The following CDH19 variants were observed in gnomAD, a reference collection of about 807,000 sequenced individuals.
The protein encoded by CDH19 is cadherin-19.
In CDH19, 67 loss-of-function variants were observed where a neutral mutation model predicts 64.2. The observed-to-expected ratio is 1.04, with a 90% CI of 0.86 to 1.28. The LOEUF is 1.28. CDH19 is among the 50% of genes most tolerant of loss of function. The probability of loss-of-function intolerance (pLI) is 0.00; values close to 1 mark genes in which losing one functional copy is unlikely to be tolerated. For synonymous variants in CDH19, 346 were observed against 319.3 expected, an observed-to-expected ratio of 1.08 and a Z score of -0.89; for missense variants, 1,030 against 929.0, an observed-to-expected ratio of 1.11 and a Z score of -1.41.
At chr18:66,520,502 G>C (rs1027975340) in intron 9 of CDH19, among the ~76,000 whole-genome samples, 1 of 150,348 alleles carries the variant, frequency 6.7e-6, no homozygotes, top group Non-Finnish European at 1.5e-5. Flanking sequence ...TTCTTTTTTT[G>C]AGTTAATTTG....
In CDH19 at chr18:66,544,108, G is replaced by A. The variant is rs760306386; in HGVS notation, c.1077C>T (p.Ile359=). The stretch of plus-strand genomic sequence containing the variant: ...GAGGCTCATCAACATCTTCCACCTG[G>A]ATCTTAATGAAAGTGGTGGAAGCCT... ...HTEASTTFIK[I]QVEDVDEPPL... Residue 359 remains isoleucine, a synonymous_variant, in exon 7 of 12, where the codon ATC becomes ATT. Transcript: ENST00000262150. 3.0e-5 allele frequency: 48 copies of A among 1,613,812 alleles called. No homozygotes were observed. Among genetic ancestry groups the A allele is most frequent in the Non-Finnish European group, 3.7e-5 (44 of 1,179,934 alleles).
chr18:66,572,290 TTC>T lies in CDH19; in HGVS notation c.-88_-87del. The T allele has an allele frequency of 9.5e-7, 1 of 1,051,546 alleles. No homozygotes were observed. Among genetic ancestry groups the T allele is most frequent in the African/African-American group, 1.6e-5 (1 of 62,882 alleles). 65.1% of individuals were successfully genotyped at this position (1,051,546 alleles called of 1,614,324 possible). ...AAATCTTGCTTTCTTTTATAATCTT[TTC>T]TGATTCTGTGTACCTTCTATATACC... On this transcript the variant is annotated 5_prime_UTR_variant, in exon 2 of 12. Coordinates refer to ENST00000262150, the MANE Select transcript of CDH19 (RefSeq NM_021153.4).
At chr18:66,533,060 T>C (rs1195383392) in intron 8 of CDH19, among the ~76,000 whole-genome samples, 2 of 152,098 alleles carry the variant, frequency 1.3e-5, no homozygotes, top group Non-Finnish European at 2.9e-5. Flanking sequence ...TTTCCAGTAA[T>C]AAAATTTTTC....
chr18:66,598,676 C>T lies in CDH19; in HGVS notation c.-113+5278G>A, dbSNP rs371052947. 2.0e-4 allele frequency among the ~76,000 whole-genome samples: 31 copies of T among 152,114 alleles called. 1 individual carries two copies. The highest frequency in any genetic ancestry group is 6.5e-4 in the African/African-American group (27 of 41,506). ...ACAGTAATAGACACTGGGGCCTAAC[C>T]TACTTCAGGGTGGGGTGAGGAGAGG... is the stretch of plus-strand genomic sequence containing the variant. On this transcript the variant is annotated intron_variant, in intron 1 of 11. Transcript: ENST00000262150.
At chr18:66,519,142 T>C (rs1985870796) in intron 9 of CDH19, among the ~76,000 whole-genome samples, 1 of 152,210 alleles carries the variant, frequency 6.6e-6, no homozygotes, top group Admixed American at 6.5e-5. Flanking sequence ...TGCTCCACTC[T>C]CATCTCCAAC....
At chr18:66,598,016 A>G (rs541850602) in intron 1 of CDH19, among the ~76,000 whole-genome samples, 2 of 152,252 alleles carry the variant, frequency 1.3e-5, no homozygotes, top group South Asian at 2.1e-4. Context: ...CGTGGTGCAC[A>G]TGTACCCTAG....
chr18:66,516,333 C>A (rs1314971069), intron 9 of CDH19, among the ~76,000 whole-genome samples: 1 of 151,920 alleles, frequency 6.6e-6, no homozygotes, highest in East Asian at 1.9e-4. Context: ...TCCTATTGAA[C>A]AACTGCTTGG....
At chr18:66,532,774 T>A (rs1365828736) in intron 8 of CDH19, 1 of 445,380 alleles carries the variant, frequency 2.2e-6, no homozygotes, top group Non-Finnish European at 4.5e-6. Context: ...GTTGTAGAAC[T>A]ACCTCTTGTC....
At chr18:66,575,659 T>C (rs1036226826) in intron 1 of CDH19, among the ~76,000 whole-genome samples, 1 of 151,814 alleles carries the variant, frequency 6.6e-6, no homozygotes, top group African/African-American at 2.4e-5. Flanking sequence ...CTCTTTCTGG[T>C]GTACAGCATC....
Position 66,501,829 on chromosome 18 carries a change from A to T in CDH19, c.*2983T>A, listed in dbSNP as rs1984956314. ...AAGATTAAGCAGTTTAACAAATATT[A>T]TATGTTCGCTTAATTGAAAGTAACT... On this transcript the variant is annotated 3_prime_UTR_variant, in exon 12 of 12. Coordinates refer to ENST00000262150, the MANE Select transcript of CDH19 (RefSeq NM_021153.4). The T allele has an allele frequency of 6.6e-6, 1 of 152,126 alleles. No individual in the cohort carries two copies. Among genetic ancestry groups the T allele is most frequent in the Non-Finnish European group, 1.5e-5 (1 of 68,016 alleles). 9.4% of individuals were successfully genotyped at this position (152,126 alleles called of 1,614,324 possible).
chr18:66,539,639 T>A (rs1408704497), intron 7 of CDH19, among the ~76,000 whole-genome samples: 1 of 152,086 alleles, frequency 6.6e-6, no homozygotes, highest in African/African-American at 2.4e-5. Context: ...AAGGATATAC[T>A]TTCCTTTTCA....
intron 2 of CDH19, among the ~76,000 whole-genome samples, chr18:66,570,484 A>G (rs1377644408): frequency 6.6e-6 from 1 of 151,744 alleles, no homozygotes; most frequent in Non-Finnish European, 1.5e-5. Flanking sequence ...CTAAACAAAT[A>G]TCACTTCAAA....
intron 3 of CDH19, among the ~76,000 whole-genome samples, chr18:66,563,475 T>C (rs1188613186): frequency 2.0e-5 from 3 of 152,152 alleles, no homozygotes. Flanking sequence ...AATTGTCAAC[T>C]TCAATGTTAT....
At position 66,559,231 on chromosome 18, in the gene CDH19, TA is replaced by T. The variant is rs777269597; in HGVS notation, c.491-4708del. On this transcript the variant is annotated intron_variant, in intron 3 of 11. Coordinates refer to ENST00000262150, the MANE Select transcript of CDH19 (RefSeq NM_021153.4). ...AATTTTTTTATATAAAGGAGAAAAA[TA>T]AAAAAAACAAAGTACATCTAAAAAT... Among the ~76,000 whole-genome samples the T allele has an allele frequency of 2.2e-4, 34 of 151,474 alleles. No individual in the cohort carries two copies. The East Asian group carries it at 4.8e-3, about 22-fold the overall frequency.
At chr18:66,576,251 A>T (rs535130014) in intron 1 of CDH19, among the ~76,000 whole-genome samples, 11 of 151,632 alleles carry the variant, frequency 7.3e-5, no homozygotes, top group Admixed American at 5.9e-4. Context: ...TGAGATGAGG[A>T]TTATTAGATT....
intron 11 of CDH19, among the ~76,000 whole-genome samples, chr18:66,506,468 A>C (rs896990610): frequency 7.2e-5 from 11 of 152,122 alleles, no homozygotes; most frequent in Admixed American, 7.2e-4. Flanking sequence ...ACAATAAAAT[A>C]AAAAAAGACA....
intron 8 of CDH19, chr18:66,532,848 T>G (rs1986508935): frequency 2.6e-6 from 1 of 385,382 alleles, no homozygotes; most frequent in Non-Finnish European, 5.1e-6. Flanking sequence ...AGGCGGTCAC[T>G]CCAACTACCC....
intron 1 of CDH19, among the ~76,000 whole-genome samples, chr18:66,601,648 GGTAT>G (rs1414320793): frequency 1.3e-5 from 2 of 151,824 alleles, no homozygotes; most frequent in Non-Finnish European, 2.9e-5. Flanking sequence ...TTTTGACAAA[GGTAT>G]GTATTCTAGA....
chr18:66,567,222 G>A (rs769983835), intron 3 of CDH19, among the ~76,000 whole-genome samples: 6 of 151,704 alleles, frequency 4.0e-5, no homozygotes, highest in African/African-American at 7.3e-5. Context: ...TTCCTAGCAT[G>A]TTACATCATA....
Sources: gnomAD v4.1 joint callset for allele counts (sites outside exome capture counted in the v4.1 genomes callset) on GRCh38, gnomAD v4.1.1 for gene constraint, MANE v1.5 for transcripts, NCBI Gene and HGNC (gene_info 2026-07-23, HGNC 2026-07-21) for gene names.